Variants in ERCC6 observed in about 807,000 individuals in gnomAD.
ERCC6 encodes ERCC excision repair 6, chromatin remodeling factor, also known as DNA excision repair protein ERCC-6.
In ERCC6, 116 loss-of-function variants were observed where a neutral mutation model predicts 158.7. The ratio of observed to expected loss-of-function variants is 0.73; its 90% CI spans 0.63 to 0.85. The LOEUF (loss-of-function observed/expected upper bound fraction) is 0.85, where lower values mean the gene tolerates loss of function less well. Ranked by LOEUF, ERCC6 falls within the 40% of genes least tolerant of loss-of-function variation. The pLI is 0.00. For synonymous variants in ERCC6, 678 were observed against 659.3 expected, an observed-to-expected ratio of 1.03 and a Z score of -0.43; for missense variants, 1,698 against 1,799.4, an observed-to-expected ratio of 0.94 and a Z score of 1.02.
chr10:49,493,029 T>G, intron 8 of ERCC6, 88 bp downstream of exon 8: 2 of 1,372,642 alleles, frequency 1.5e-6, no homozygotes. Flanking sequence ...GAATATACAT[T>G]TGAGAAACAC....
chr10:49,530,576 A>T, intron 3 of ERCC6, 144 bp downstream of exon 3: 1 of 1,343,382 alleles, frequency 7.4e-7, no homozygotes. Context: ...GATTAAACAT[A>T]CAAAAGAAAC....
intron 18 of ERCC6, among the ~76,000 whole-genome samples, chr10:49,468,403 G>A (rs1040885645): frequency 6.6e-6 from 1 of 152,226 alleles, no homozygotes; most frequent in African/African-American, 2.4e-5. Context: ...CAGTAGGGCA[G>A]GGCAACTGGA....
At position 49,460,364 on chromosome 10, in the gene ERCC6, C is replaced by A; in HGVS notation, c.4062+9G>T. 6.3e-7 allele frequency: 1 copy of A among 1,597,988 alleles called. No individual in the cohort carries two copies. The stretch of plus-strand genomic sequence containing the variant: ...TCACCCTGGAAAGCAAAAAGGTTAT[C>A]TATATTACCTGGCACTTCTCTGTTG... On this transcript the variant is annotated intron_variant, in intron 20 of 20. Coordinates refer to ENST00000355832, the MANE Select transcript of ERCC6 (RefSeq NM_000124.4).
rs186418414 is a variant in ERCC6 at position 49,478,320 on chromosome 10, T to C, written c.2286+34A>G. ...TGAAGGGAAAGACACACTTGTGCTT[T>C]AGGAATGCTTCGTTAACTCCTGGAT... On this transcript the variant is annotated intron_variant, in intron 11 of 20. Coordinates refer to ENST00000355832, the MANE Select transcript of ERCC6 (RefSeq NM_000124.4). The C allele has an allele frequency of 2.3e-6, 3 of 1,323,262 alleles. No homozygotes were observed. In the East Asian group the frequency reaches 6.9e-5, roughly 30 times the overall value. The allele number at this position is 1,323,262 out of a possible 1,614,324, so 82.0% of individuals were successfully genotyped here.
chr10:49,458,582 CAA>C lies in ERCC6; in HGVS notation c.*231_*232del, dbSNP rs74561842. 780 of 433,820 alleles carry C rather than the reference CAA, an allele frequency of 1.8e-3. No homozygotes were observed. The highest frequency in any genetic ancestry group is 2.9e-3 in the East Asian group (69 of 24,016). The allele number at this position is 433,820 out of a possible 1,614,324, so 26.9% of individuals were successfully genotyped here. A position where few individuals can be genotyped will look rare whatever the true frequency, so the allele number is the denominator to read the frequency against. Reference sequence around the variant, plus strand: ...CTGATTTACAATATAATTAGATTGCCAAAAAAAAAAAAATCAATCCAAGTATT... The same window carrying C: ...CTGATTTACAATATAATTAGATTGCCAAAAAAAAAAATCAATCCAAGTATT... On this transcript the variant is annotated 3_prime_UTR_variant, in exon 21 of 21. Coordinates refer to ENST00000355832, the MANE Select transcript of ERCC6 (RefSeq NM_000124.4).
At position 49,516,764 on chromosome 10, in the gene ERCC6, G is replaced by A. The variant is rs375732850; in HGVS notation, c.1397+7269C>T. ...CTGCTACGGGTTGTACAGTTAGGTC[G>A]GCTTTTTTCCATTTGCAAAGAATTT... On this transcript the variant is annotated intron_variant, in intron 5 of 20. Coordinates refer to ENST00000355832, the MANE Select transcript of ERCC6 (RefSeq NM_000124.4). The A allele has an allele frequency of 2.3e-5, 37 of 1,613,984 alleles. No individual in the cohort carries two copies. The highest frequency in any genetic ancestry group is 4.0e-5 in the African/African-American group (3 of 74,898).
At chr10:49,481,334 A>T (rs1032309917) in intron 10 of ERCC6, among the ~76,000 whole-genome samples, 12 of 152,184 alleles carry the variant, frequency 7.9e-5, no homozygotes, top group African/African-American at 2.7e-4. Flanking sequence ...TTCAAAATAA[A>T]TTTTTTTAAA....
rs779153104 is a variant in ERCC6 at position 49,470,377 on chromosome 10, T to C, written c.3583A>G (p.Thr1195Ala). 2 of 1,614,184 alleles carry C rather than the reference T, an allele frequency of 1.2e-6. No homozygotes were observed. The highest frequency in any genetic ancestry group is 3.3e-5 in the Admixed American group (2 of 60,022). ...TTTGGTCTCAGATGTTTCTCCAGGGTCTCTTCTTCTGCCACACTATGATGT... is the reference window on the plus strand; with the variant it reads ...TTTGGTCTCAGATGTTTCTCCAGGGCCTCTTCTTCTGCCACACTATGATGT... ...TKHHSVAEEE[T>A]LEKHLRPKQK... Residue 1195 changes from threonine to alanine, a missense_variant, in exon 18 of 21, where the codon ACC becomes GCC. Thr to Ala is a moderately conservative substitution (Grantham distance 58, BLOSUM62 0). Coordinates refer to ENST00000355832, the MANE Select transcript of ERCC6 (RefSeq NM_000124.4).
chr10:49,476,142 A>ATC, intron 12 of ERCC6, 73 bp downstream of exon 12: 3 of 1,047,412 alleles, frequency 2.9e-6, no homozygotes, highest in Non-Finnish European at 4.5e-6. Context: ...CACAATGTAG[A>ATC]TCCTAGTTTC....
intron 18 of ERCC6, among the ~76,000 whole-genome samples, chr10:49,465,382 A>C (rs1350086158): frequency 6.6e-6 from 1 of 152,232 alleles, no homozygotes; most frequent in Non-Finnish European, 1.5e-5. Context: ...ACAGGCTCAT[A>C]GGCAGAAGAG....
intron 5 of ERCC6, among the ~76,000 whole-genome samples, chr10:49,521,239 G>T (rs187520702): frequency 1.3e-5 from 2 of 152,346 alleles, no homozygotes; most frequent in East Asian, 3.9e-4. Context: ...AACAAGGACT[G>T]GGGACAAGCG....
At chr10:49,492,337 T>A (rs1851188929) in intron 8 of ERCC6, among the ~76,000 whole-genome samples, 1 of 151,996 alleles carries the variant, frequency 6.6e-6, no homozygotes, top group African/African-American at 2.4e-5. Context: ...AAGAACTAGC[T>A]CCTAAGAGAC....
intron 5 of ERCC6, among the ~76,000 whole-genome samples, chr10:49,509,507 G>A (rs1184529927): frequency 2.6e-5 from 4 of 152,158 alleles, no homozygotes; most frequent in African/African-American, 9.7e-5. Flanking sequence ...CTCACCATAG[G>A]AGTAAAGATA....
At chr10:49,473,293 A>C (rs561475138) in intron 14 of ERCC6, among the ~76,000 whole-genome samples, 184 bp downstream of exon 14, 1 of 152,224 alleles carries the variant, frequency 6.6e-6, no homozygotes, top group Non-Finnish European at 1.5e-5. Flanking sequence ...ACACATGCCC[A>C]CAATCCCCGC....
intron 19 of ERCC6, among the ~76,000 whole-genome samples, chr10:49,460,863 C>G (rs761115470): frequency 6.6e-6 from 1 of 151,312 alleles, no homozygotes. Context: ...CACTCCAGCC[C>G]GGGCGAAAGG....
Position 49,532,839 on chromosome 10 carries a change from C to T in ERCC6, c.126G>A (p.Glu42=), listed in dbSNP as rs1837503823. ...KQESGGDGEV[E]EYLSFRSVGD... is the part of the protein sequence containing the mutation. ...CCACAGAACGAAAGGAGAGGTACTC[C>T]TCCACCTCCCCATCACCACCACTTT... is the stretch of plus-strand genomic sequence containing the variant. Residue 42 remains glutamate, a synonymous_variant, in exon 2 of 21, where the codon GAG becomes GAA. Coordinates refer to ENST00000355832, the MANE Select transcript of ERCC6 (RefSeq NM_000124.4). 2 of 1,614,098 alleles carry T rather than the reference C, an allele frequency of 1.2e-6. No individual in the cohort carries two copies. The highest frequency in any genetic ancestry group is 2.7e-5 in the African/African-American group (2 of 74,922).
chr10:49,442,887 T>C, the ERCC6 span, among the ~76,000 whole-genome samples: 1 of 152,254 alleles, frequency 6.6e-6, no homozygotes, highest in Non-Finnish European at 1.5e-5. Context: ...ATTTTTATTC[T>C]CCAGATTAAA....
chr10:49,517,130 GA>G, intron 5 of ERCC6: 1 of 1,570,270 alleles, frequency 6.4e-7, no homozygotes, highest in Non-Finnish European at 8.7e-7. Context: ...GACTAAAACG[GA>G]AAAAAGGTAT....
rs117222844 is a variant in ERCC6, at chr10:49,483,400, G to A, written c.1938C>T (p.Asp646=). The part of the protein sequence containing the change: ...SRYDWHYVIL[D]EGHKIRNPNA... ...TTGGATTTCGAATTTTGTGTCCTTC[G>A]TCCAAGATCACATAGTGCCAGTCAT... Residue 646 remains aspartate (D), a synonymous_variant, in exon 9 of 21, where the codon GAC becomes GAT. Transcript: ENST00000355832. The A allele has an allele frequency of 3.9e-5, 63 of 1,614,074 alleles. No homozygotes were observed. Among genetic ancestry groups the A allele is most frequent in the Middle Eastern group, 1.7e-4 (1 of 6,060 alleles).
Sources: gnomAD v4.1 joint callset for allele counts (sites outside exome capture counted in the v4.1 genomes callset) on GRCh38, gnomAD v4.1.1 for gene constraint, MANE v1.5 for transcripts, NCBI Gene and HGNC (gene_info 2026-07-23, HGNC 2026-07-21) for gene names.